The following KLHL25 variants were observed in gnomAD, a reference collection of about 807,000 sequenced individuals.
KLHL25 encodes the protein kelch like family member 25.
KLHL25 carries 41 observed loss-of-function variants against 30.0 expected under a neutral mutation model. That is an observed-to-expected ratio of 1.37 (90% CI 1.07 to 1.78). KLHL25 has a LOEUF of 1.78. Ranked by LOEUF, KLHL25 falls within the 40% of genes most tolerant of loss-of-function variation. The probability of loss-of-function intolerance (pLI) is 0.00; values close to 1 mark genes in which losing one functional copy is unlikely to be tolerated. For missense variants in KLHL25, 971 were observed against 824.5 expected, an observed-to-expected ratio of 1.18 and a Z score of -2.18; for synonymous variants, 399 against 355.3, an observed-to-expected ratio of 1.12 and a Z score of -1.38.
intron 1 of KLHL25, among the ~76,000 whole-genome samples, chr15:85,777,489 A>C (rs2089717154): frequency 6.6e-6 from 1 of 152,194 alleles, no homozygotes; most frequent in Non-Finnish European, 1.5e-5. Flanking sequence ...CAAAGCCTGG[A>C]AAGCGAAGGG....
chr15:85,764,087 C>G (rs1162219513), intron 2 of KLHL25: 1 of 152,290 alleles, frequency 6.6e-6, no homozygotes, highest in Non-Finnish European at 1.5e-5. Context: ...CAGTGGCCGC[C>G]TGAGCAGCGA....
intron 1 of KLHL25, among the ~76,000 whole-genome samples, chr15:85,778,147 C>A (rs1349687426): frequency 2.0e-5 from 3 of 152,210 alleles, no homozygotes; most frequent in Non-Finnish European, 4.4e-5. Flanking sequence ...CTCCTAGGAA[C>A]CCAGATGACA....
chr15:85,773,698 T>A (rs1161889038), intron 1 of KLHL25, among the ~76,000 whole-genome samples: 2 of 152,138 alleles, frequency 1.3e-5, no homozygotes, highest in African/African-American at 2.4e-5. Context: ...TCACTGGAAC[T>A]TTGAGGAACG....
In KLHL25 at chr15:85,759,708, T is replaced by A. The variant is rs1299641317; in HGVS notation, c.*1328A>T. The A allele has an allele frequency of 2.6e-5, 4 of 152,208 alleles. No individual in the cohort carries two copies. The East Asian group carries it at 7.7e-4, about 29-fold the overall frequency. 9.4% of individuals were successfully genotyped at this position (152,208 alleles called of 1,614,324 possible). ...AGGCATGGGGGACACTCGTGGCTGC[T>A]TAAGTAACTGGTATGTGCACAGCCC... On this transcript the variant is annotated 3_prime_UTR_variant, in exon 3 of 3. Coordinates refer to ENST00000337975, the MANE Select transcript of KLHL25 (RefSeq NM_022480.4).
At position 85,769,033 on chromosome 15, in the gene KLHL25, C is replaced by T. The variant is rs747115178; in HGVS notation, c.778G>A (p.Glu260Lys). The T allele has an allele frequency of 5.6e-6, 9 of 1,609,162 alleles. No individual in the cohort carries two copies. The highest frequency in any genetic ancestry group is 1.3e-5 in the African/African-American group (1 of 74,894). ...VSSEALLMAD[E>K]RTKLIMDEAL... ...TCATCCATGATAAGCTTGGTGCGCT[C>T]GTCTGCCATGAGGAGGGCCTCGCTG... The change falls in exon 2 of 3, where the codon GAG (glutamate) becomes AAG (lysine). Residue 260 changes from glutamate to lysine, a missense_variant. Transcript: ENST00000337975.
At chr15:85,793,920 T>C (rs1324758477) in intron 1 of KLHL25, among the ~76,000 whole-genome samples, 1 of 152,196 alleles carries the variant, frequency 6.6e-6, no homozygotes, top group African/African-American at 2.4e-5. Context: ...TCTAGAGAGA[T>C]GTTTCTTTGT....
intron 1 of KLHL25, among the ~76,000 whole-genome samples, chr15:85,794,285 A>G (rs569237879): frequency 9.2e-5 from 14 of 152,290 alleles, no homozygotes; most frequent in Admixed American, 8.5e-4. Context: ...AGGCCCGCGC[A>G]AACCCTCCCC....
At chr15:85,792,578 T>G (rs1024605075) in intron 1 of KLHL25, among the ~76,000 whole-genome samples, 5 of 152,102 alleles carry the variant, frequency 3.3e-5, no homozygotes, top group African/African-American at 1.2e-4. Context: ...GCCATCCAGC[T>G]TCCTACAAAT....
At position 85,768,497 on chromosome 15, in the gene KLHL25, T is replaced by C. The variant is rs781686579; in HGVS notation, c.1314A>G (p.Ala438=). The C allele has an allele frequency of 3.1e-6, 5 of 1,613,756 alleles. No homozygotes were observed. The highest frequency in any genetic ancestry group is 3.4e-6 in the Non-Finnish European group (4 of 1,180,016). The change falls in exon 2 of 3, where the codon GCA becomes GCG. Residue 438 remains alanine (A), a synonymous_variant. Coordinates refer to ENST00000337975, the MANE Select transcript of KLHL25 (RefSeq NM_022480.4). Reference sequence around the variant, plus strand: ...AGAGCTTCAGCTTGGCACTCACCACTGCGGCATTGCTGACGCCATCCCGCA... The same window carrying C: ...AGAGCTTCAGCTTGGCACTCACCACCGCGGCATTGCTGACGCCATCCCGCA... ...APLRDGVSNA[A]VVSAKLKLFV... is the part of the protein sequence containing the mutation.
chr15:85,791,194 C>CAAA (rs67417642), intron 1 of KLHL25, among the ~76,000 whole-genome samples: 2,634 of 118,764 alleles, frequency 0.022, 122 homozygotes, highest in Non-Finnish European at 0.027. Context: ...GACTCAGTCT[C>CAAA]AAAAAAAAAA....
Position 85,768,679 on chromosome 15 carries a change from G to A in KLHL25, c.1132C>T (p.Arg378Cys), listed in dbSNP as rs753026649. The A allele has an allele frequency of 1.4e-5, 22 of 1,613,300 alleles. No individual in the cohort carries two copies. Among genetic ancestry groups the A allele is most frequent in the East Asian group, 4.5e-5 (2 of 44,862 alleles). ...WSKAAPMLIA[R>C]FGHGSAELEN... is the part of the protein sequence containing the mutation. ...AGCTCAGCTGAGCCATGGCCAAAGC[G>A]GGCAATCAGCATGGGCGCCGCCTTG... Residue 378 changes from arginine (R) to cysteine (C), a missense_variant, in exon 2 of 3, where the codon CGC (arginine) becomes TGC (cysteine). Transcript: ENST00000337975.
At position 85,768,902 on chromosome 15, in the gene KLHL25, C is replaced by A. The variant is rs1015604531; in HGVS notation, c.909G>T (p.Gln303His). The A allele has an allele frequency of 1.2e-6, 2 of 1,613,390 alleles. No homozygotes were observed. Among genetic ancestry groups the A allele is most frequent in the Non-Finnish European group, 1.7e-6 (2 of 1,180,048 alleles). The change falls in exon 2 of 3, where the codon CAG (glutamine) becomes CAT (histidine). Residue 303 changes from glutamine to histidine, a missense_variant. Coordinates refer to ENST00000337975, the MANE Select transcript of KLHL25 (RefSeq NM_022480.4). ...GGTAGATCTTGTCACACATGAAGGTCTGGCCCCCCAGGATGAGTAGCGTGT... is the reference window on the plus strand; with the variant it reads ...GGTAGATCTTGTCACACATGAAGGTATGGCCCCCCAGGATGAGTAGCGTGT... ...AGHTLLILGGQTFMCDKIYQV... is the reference protein window; with the variant it reads ...AGHTLLILGGHTFMCDKIYQV...
rs778659397 is a variant in KLHL25 at position 85,769,430 on chromosome 15, C to T, written c.381G>A (p.Leu127=). ...CAGCATCCCGCACATCGTGGAACTG[C>T]AGCATGTCGCCTGCCTCCAGCAGTG... ...AESLLEAGDM[L]QFHDVRDAAA... is the part of the protein sequence containing the mutation. Residue 127 remains leucine (L), a synonymous_variant, in exon 2 of 3, where the codon CTG becomes CTA. Transcript: ENST00000337975. The T allele has an allele frequency of 6.2e-7, 1 of 1,614,156 alleles. No individual in the cohort carries two copies. Among genetic ancestry groups the T allele is most frequent in the South Asian group, 1.1e-5 (1 of 91,084 alleles).
chr15:85,766,210 G>A (rs370045241), intron 2 of KLHL25, among the ~76,000 whole-genome samples: 1 of 152,338 alleles, frequency 6.6e-6, no homozygotes, highest in Non-Finnish European at 1.5e-5. Flanking sequence ...ACCACCCAGC[G>A]CTGCAGGATC....
At chr15:85,770,514 A>G in intron 1 of KLHL25, 1 of 534,440 alleles carries the variant, frequency 1.9e-6, no homozygotes, top group Non-Finnish European at 3.8e-6. Context: ...TCAAGGCCCA[A>G]GTGCTCAGTG....
At chr15:85,770,209 C>G (rs2089661952) in intron 1 of KLHL25, among the ~76,000 whole-genome samples, 2 of 152,226 alleles carry the variant, frequency 1.3e-5, no homozygotes, top group African/African-American at 4.8e-5. Context: ...ACATTCCACT[C>G]TCATGACAGT....
At position 85,768,279 on chromosome 15, in the gene KLHL25, A is replaced by G. The variant is rs1404688799; in HGVS notation, c.1532T>C (p.Phe511Ser). 1 of 1,614,098 alleles carries G rather than the reference A, an allele frequency of 6.2e-7. No individual in the cohort carries two copies. Among genetic ancestry groups the G allele is most frequent in the Admixed American group, 1.7e-5 (1 of 60,018 alleles). ...TEFTAASAYR[F>S]DCETNQWTRI... Reference sequence around the variant, plus strand: ...CGTCCACTGGTTGGTCTCACAGTCAAAGCGGTAGGCCGAGGCGGCTGTGAA... The same window carrying G: ...CGTCCACTGGTTGGTCTCACAGTCAGAGCGGTAGGCCGAGGCGGCTGTGAA... Residue 511 changes from phenylalanine to serine, a missense_variant, in exon 2 of 3, where the codon TTT (phenylalanine) becomes TCT (serine). Phe to Ser is a radical substitution (Grantham distance 155). Transcript: ENST00000337975.
chr15:85,775,327 G>A (rs2089702741), intron 1 of KLHL25, among the ~76,000 whole-genome samples: 1 of 152,200 alleles, frequency 6.6e-6, no homozygotes, highest in Non-Finnish European at 1.5e-5. Flanking sequence ...ACTTAGAGAG[G>A]AAAATGCAGC....
intron 1 of KLHL25, among the ~76,000 whole-genome samples, chr15:85,773,214 A>ACC (rs2089688572): frequency 2.0e-5 from 3 of 152,126 alleles, no homozygotes; most frequent in Non-Finnish European, 4.4e-5. Flanking sequence ...AGATCCCGGC[A>ACC]CAGAGGTCAC....
Sources: gnomAD v4.1 joint callset for allele counts (sites outside exome capture counted in the v4.1 genomes callset) on GRCh38, gnomAD v4.1.1 for gene constraint, MANE v1.5 for transcripts, NCBI Gene and HGNC (gene_info 2026-07-23, HGNC 2026-07-21) for gene names.